The following WDFY4 variants were observed in gnomAD, a reference collection of about 807,000 sequenced individuals.
WDFY4 encodes WD repeat- and FYVE domain-containing protein 4.
WDFY4 carries 169 observed loss-of-function variants against 351.9 expected under a neutral mutation model. The observed-to-expected ratio is 0.48, with a 90% CI of 0.42 to 0.55. WDFY4 has a LOEUF of 0.55. WDFY4 is among the 20% of genes least tolerant of loss of function. WDFY4 has a pLI of 0.00. For missense variants in WDFY4, 3,803 were observed against 3,935.6 expected (o/e 0.97, Z 0.90); for synonymous variants, 1,622 against 1,574.6 (o/e 1.03, Z -0.71).
intron 47 of WDFY4, chr10:48,932,699 T>G (rs1404575969): frequency 6.7e-6 from 1 of 149,268 alleles, no homozygotes; most frequent in East Asian, 2.0e-4. Context: ...AGCATTTCAG[T>G]TGGTGTAAAT....
chr10:48,823,373 G>A, intron 35 of WDFY4: 1 of 1,246,566 alleles, frequency 8.0e-7, no homozygotes, highest in Non-Finnish European at 1.0e-6. Context: ...AGCAGTCCTG[G>A]TTATGCCCTC....
In WDFY4 at chr10:48,946,035, T is replaced by C. The variant is rs976082313; in HGVS notation, c.7750-5T>C. On this transcript the variant is annotated splice_polypyrimidine_tract_variant and splice_region_variant and intron_variant, in intron 49 of 61. Transcript: ENST00000325239. ...GTTAACTCCAGCTGCACATCTGCCTTCTAGACATTGAACTTGGCAAATCCG... is the reference window on the plus strand; with the variant it reads ...GTTAACTCCAGCTGCACATCTGCCTCCTAGACATTGAACTTGGCAAATCCG... 1 of 1,538,312 alleles carries C rather than the reference T, an allele frequency of 6.5e-7. No individual in the cohort carries two copies. Among genetic ancestry groups the C allele is most frequent in the East Asian group, 2.5e-5 (1 of 40,350 alleles).
chr10:48,862,547 T>G (rs1010819287), intron 39 of WDFY4, among the ~76,000 whole-genome samples: 5 of 152,208 alleles, frequency 3.3e-5, no homozygotes, highest in African/African-American at 1.2e-4. Flanking sequence ...GATGGGACCA[T>G]ATAGTTGCAA....
chr10:48,692,286 G>T (rs886796029), intron 1 of WDFY4, among the ~76,000 whole-genome samples: 5 of 152,214 alleles, frequency 3.3e-5, no homozygotes, highest in Non-Finnish European at 7.3e-5. Context: ...ACACACCTGT[G>T]GGCCTGTGGG....
chr10:48,970,761 T>C (rs1050772720), intron 57 of WDFY4, among the ~76,000 whole-genome samples: 2 of 152,166 alleles, frequency 1.3e-5, no homozygotes, highest in Non-Finnish European at 2.9e-5. Flanking sequence ...CCCTACTTTA[T>C]TGGTGAAGGA....
intron 47 of WDFY4, among the ~76,000 whole-genome samples, chr10:48,906,304 A>G (rs552896514): frequency 2.0e-5 from 3 of 149,238 alleles, no homozygotes; most frequent in African/African-American, 7.7e-5. Flanking sequence ...CCACACATAC[A>G]GGAAAATCAG....
intron 39 of WDFY4, among the ~76,000 whole-genome samples, chr10:48,862,572 G>A (rs1034703822): frequency 2.0e-5 from 3 of 152,052 alleles, no homozygotes; most frequent in African/African-American, 7.2e-5. Flanking sequence ...ACAGCTCAAG[G>A]TTGTTCTATA....
At chr10:48,819,205 C>T (rs1375154867) in intron 32 of WDFY4, among the ~76,000 whole-genome samples, 1 of 152,178 alleles carries the variant, frequency 6.6e-6, no homozygotes, top group Non-Finnish European at 1.5e-5. Flanking sequence ...TCTTGGGGCT[C>T]CTGGCTCTAA....
chr10:48,747,335 C>T (rs1050640328), intron 12 of WDFY4, among the ~76,000 whole-genome samples: 2 of 152,068 alleles, frequency 1.3e-5, no homozygotes, highest in Admixed American at 1.3e-4. Flanking sequence ...TCTCAATGTA[C>T]ATTATTTTAA....
chr10:48,785,528 G>A (rs145455276), intron 19 of WDFY4, among the ~76,000 whole-genome samples: 135 of 152,260 alleles, frequency 8.9e-4, no homozygotes, highest in Middle Eastern at 6.8e-3. Context: ...TAAGGTGTAA[G>A]GTTTAAGTTC....
intron 47 of WDFY4, among the ~76,000 whole-genome samples, chr10:48,922,083 G>A (rs1824836813): frequency 6.6e-6 from 1 of 152,104 alleles, no homozygotes; most frequent in African/African-American, 2.4e-5. Flanking sequence ...TTCAATGGGT[G>A]GATTCCTAAT....
Position 48,970,295 on chromosome 10 carries a change from G to A in WDFY4, c.8928+6G>A. 1.3e-6 allele frequency: 2 copies of A among 1,549,518 alleles called. No homozygotes were observed. Among genetic ancestry groups the A allele is most frequent in the South Asian group, 1.2e-5 (1 of 84,060 alleles). ...GGGGCTTGCGCCTCCGGCAGGTATG[G>A]TCCAGCTCGTGCAGGTGCGGTCCTC... On this transcript the variant is annotated splice_donor_region_variant and intron_variant, in intron 57 of 61. Transcript: ENST00000325239.
chr10:48,823,110 A>G (rs1466219402), intron 35 of WDFY4: 10 of 1,298,482 alleles, frequency 7.7e-6, no homozygotes, highest in South Asian at 3.7e-5. Flanking sequence ...ATGTATGTGC[A>G]TGCATATACA....
intron 49 of WDFY4, among the ~76,000 whole-genome samples, 155 bp downstream of exon 49, chr10:48,943,604 T>G (rs7895962): frequency 0.032 from 4,890 of 152,214 alleles, 100 homozygotes; most frequent in Admixed American, 0.048. Context: ...ATCTCTTTTT[T>G]TTTTTTGAGA....
intron 44 of WDFY4, among the ~76,000 whole-genome samples, chr10:48,894,526 G>T (rs1380875513): frequency 6.6e-6 from 1 of 152,190 alleles, no homozygotes; most frequent in Non-Finnish European, 1.5e-5. Flanking sequence ...AATAAGTCAT[G>T]GTCAGTATAA....
Position 48,789,976 on chromosome 10 carries a change from G to C in WDFY4, c.4057G>C (p.Gly1353Arg), listed in dbSNP as rs757349984. Residue 1353 changes from glycine (G) to arginine (R), a missense_variant, in exon 22 of 62, where the codon GGT (glycine) becomes CGT (arginine). Physicochemically the swap from Gly to Arg is moderately radical, Grantham distance 125. Coordinates refer to ENST00000325239, the MANE Select transcript of WDFY4 (RefSeq NM_001394531.1). ...GCGGACCATTGGAGCTGTTGCTGTG[G>C]GTCAATTAGGTATGTTCAACTGGGA... is the stretch of plus-strand genomic sequence containing the variant. The part of the protein sequence containing the change: ...SLRTIGAVAV[G>R]QLGVRVFHSS... 1.3e-6 allele frequency: 2 copies of C among 1,552,318 alleles called. No individual in the cohort carries two copies. Among genetic ancestry groups the C allele is most frequent in the Non-Finnish European group, 1.7e-6 (2 of 1,147,128 alleles).
At chr10:48,914,192 C>A in intron 47 of WDFY4, 1 of 1,588,012 alleles carries the variant, frequency 6.3e-7, no homozygotes, top group South Asian at 1.1e-5. Context: ...GTTTATTGTT[C>A]TGATTGGATA....
chr10:48,754,172 T>C (rs766170240), intron 12 of WDFY4, among the ~76,000 whole-genome samples: 22 of 152,144 alleles, frequency 1.4e-4, no homozygotes, highest in Admixed American at 6.5e-4. Context: ...TGCTAGCATT[T>C]TGTTTAGGAT....
At chr10:48,933,728 T>A (rs1840176408) in intron 47 of WDFY4, among the ~76,000 whole-genome samples, 1 of 152,134 alleles carries the variant, frequency 6.6e-6, no homozygotes, top group Admixed American at 6.5e-5. Flanking sequence ...GCATTGGCAA[T>A]GGGCTGAGAG....
Sources: gnomAD v4.1 joint callset for allele counts (sites outside exome capture counted in the v4.1 genomes callset) on GRCh38, gnomAD v4.1.1 for gene constraint, MANE v1.5 for transcripts, NCBI Gene and HGNC (gene_info 2026-07-23, HGNC 2026-07-21) for gene names.